Variants in QTMAN observed in about 807,000 individuals in gnomAD.
QTMAN encodes tRNA-queuosine alpha-mannosyltransferase.
the QTMAN span, among the ~76,000 whole-genome samples, chr2:144,281,853 T>C: frequency 1.3e-5 from 2 of 152,342 alleles, no homozygotes; most frequent in Non-Finnish European, 2.9e-5. Context: ...GAAAATAATT[T>C]TTTTTTCTTA....
the QTMAN span, among the ~76,000 whole-genome samples, chr2:143,991,745 G>GC: frequency 7.1e-6 from 1 of 141,498 alleles, no homozygotes; most frequent in East Asian, 2.2e-4. Context: ...GGGGGGGTCA[G>GC]CCCCCCGCCC....
chr2:144,224,648 A>C, the QTMAN span, among the ~76,000 whole-genome samples: 1 of 152,168 alleles, frequency 6.6e-6, no homozygotes, highest in Non-Finnish European at 1.5e-5. Flanking sequence ...AGAAATCAGA[A>C]GAAGGGGCGA....
At chr2:144,179,136 C>A in the QTMAN span, among the ~76,000 whole-genome samples, 2 of 152,098 alleles carry the variant, frequency 1.3e-5, no homozygotes, top group African/African-American at 2.4e-5. Context: ...AAAATAAAAA[C>A]CTCCTTGATT....
the QTMAN span, among the ~76,000 whole-genome samples, chr2:144,093,933 T>C: frequency 6.6e-6 from 1 of 152,220 alleles, no homozygotes; most frequent in East Asian, 1.9e-4. Context: ...AATGTAATTA[T>C]CTTATTTGAG....
chr2:144,158,100 T>TA, the QTMAN span, among the ~76,000 whole-genome samples: 1 of 152,028 alleles, frequency 6.6e-6, no homozygotes, highest in Admixed American at 6.6e-5. Context: ...GTTCCCAAAG[T>TA]TAAAAACACT....
chr2:144,317,318 C>G, the QTMAN span, among the ~76,000 whole-genome samples: 1 of 142,574 alleles, frequency 7.0e-6, no homozygotes, highest in Non-Finnish European at 1.5e-5. Context: ...TAAATAGTCA[C>G]TGCTATACTA....
chr2:144,218,544 CAAATGAGTTTA>C, the QTMAN span, among the ~76,000 whole-genome samples: 3 of 152,084 alleles, frequency 2.0e-5, no homozygotes, highest in African/African-American at 7.2e-5. Flanking sequence ...ATATACACAC[CAAATGAGTTTA>C]AAATAAGATG....
chr2:143,992,795 G>T, the QTMAN span, among the ~76,000 whole-genome samples: 1 of 152,102 alleles, frequency 6.6e-6, no homozygotes, highest in Non-Finnish European at 1.5e-5. Context: ...GTAGATATGT[G>T]GGTAAGTTTG....
chr2:144,021,391 A>G, the QTMAN span, among the ~76,000 whole-genome samples: 11 of 152,348 alleles, frequency 7.2e-5, no homozygotes, highest in African/African-American at 2.4e-4. Context: ...CAGGCAATCA[A>G]GTCTCTTACG....
At chr2:144,088,925 C>T in the QTMAN span, among the ~76,000 whole-genome samples, 1 of 151,932 alleles carries the variant, frequency 6.6e-6, no homozygotes, top group African/African-American at 2.4e-5. Context: ...AAATTTATGG[C>T]TAAGACCTAA....
At chr2:144,152,585 C>T in the QTMAN span, among the ~76,000 whole-genome samples, 1 of 152,236 alleles carries the variant, frequency 6.6e-6, no homozygotes, top group African/African-American at 2.4e-5. Context: ...TTATTGCATA[C>T]ATTTAAACAT....
the QTMAN span, among the ~76,000 whole-genome samples, chr2:144,086,248 A>G: frequency 3.9e-5 from 6 of 152,294 alleles, no homozygotes; most frequent in African/African-American, 1.4e-4. Context: ...AGTAGGAATG[A>G]CAGGGTGAGT....
the QTMAN span, among the ~76,000 whole-genome samples, chr2:144,057,144 T>G: frequency 6.6e-6 from 1 of 152,346 alleles, no homozygotes; most frequent in South Asian, 2.1e-4. Flanking sequence ...CTTCCCTGTA[T>G]GACCAGAAAA....
chr2:143,981,613 A>G, the QTMAN span, among the ~76,000 whole-genome samples: 3 of 152,328 alleles, frequency 2.0e-5, no homozygotes, highest in South Asian at 6.2e-4. Context: ...AAATGCTGAC[A>G]TTCTGTTTAT....
the QTMAN span, among the ~76,000 whole-genome samples, chr2:144,188,999 T>G: frequency 6.6e-6 from 1 of 152,178 alleles, no homozygotes; most frequent in African/African-American, 2.4e-5. Flanking sequence ...ACAGAATTAT[T>G]AGTTATATTT....
At chr2:144,022,775 G>A in the QTMAN span, among the ~76,000 whole-genome samples, 3 of 151,810 alleles carry the variant, frequency 2.0e-5, no homozygotes, top group Non-Finnish European at 2.9e-5. Context: ...TGTTGGCCAC[G>A]ATGGTCTTGA....
At chr2:144,175,396 A>C in the QTMAN span, among the ~76,000 whole-genome samples, 1 of 152,112 alleles carries the variant, frequency 6.6e-6, no homozygotes, top group Non-Finnish European at 1.5e-5. Flanking sequence ...CTGCCAAAAA[A>C]AATTTTTTTA....
chr2:144,207,047 C>T, the QTMAN span, among the ~76,000 whole-genome samples: 1 of 152,164 alleles, frequency 6.6e-6, no homozygotes, highest in Non-Finnish European at 1.5e-5. Flanking sequence ...CATATTTTAA[C>T]ACAGCAATAG....
At chr2:144,190,034 T>G in the QTMAN span, among the ~76,000 whole-genome samples, 1 of 152,206 alleles carries the variant, frequency 6.6e-6, no homozygotes, top group Non-Finnish European at 1.5e-5. Context: ...ACTTGGGGTT[T>G]TATCAGGGTG....
Sources: allele counts gnomAD v4.1 joint callset (sites outside exome capture counted in the v4.1 genomes callset), GRCh38; gene constraint gnomAD v4.1.1; transcripts MANE v1.5; gene names NCBI Gene and HGNC (gene_info 2026-07-23, HGNC 2026-07-21).